SND1: variants seen among roughly 807,000 people sequenced by gnomAD.
SND1 encodes staphylococcal nuclease domain-containing protein 1.
In SND1, 38 loss-of-function variants were observed where a neutral mutation model predicts 121.7. The ratio of observed to expected loss-of-function variants is 0.31; its 90% CI spans 0.24 to 0.41. The LOEUF (loss-of-function observed/expected upper bound fraction) is 0.41. Among genes scored for constraint, SND1 ranks in the 10% least tolerant of loss-of-function variants. SND1 has a pLI of 1.00. For missense variants in SND1, 868 were observed against 1,184.6 expected (o/e 0.73, Z 3.92); for synonymous variants, 401 against 447.4 (o/e 0.90, Z 1.31).
chr7:127,739,377 A>G (rs2089172598), intron 10 of SND1, among the ~76,000 whole-genome samples: 1 of 152,164 alleles, frequency 6.6e-6, no homozygotes, highest in African/African-American at 2.4e-5. Flanking sequence ...GTGAACCCAG[A>G]AGGCTGATTT....
intron 10 of SND1, among the ~76,000 whole-genome samples, chr7:127,774,776 G>A (rs879464541): frequency 4.6e-5 from 7 of 152,042 alleles, no homozygotes; most frequent in Non-Finnish European, 1.0e-4. Context: ...GCAGGGTTTT[G>A]CCATGTTGGC....
intron 10 of SND1, among the ~76,000 whole-genome samples, chr7:127,761,542 G>A (rs573930215): frequency 2.0e-5 from 3 of 152,270 alleles, no homozygotes; most frequent in African/African-American, 7.2e-5. Context: ...ACACATAATC[G>A]TATACACACT....
At chr7:127,858,536 T>G (rs963281454) in intron 12 of SND1, 1 of 445,454 alleles carries the variant, frequency 2.2e-6, no homozygotes, top group Non-Finnish European at 4.1e-6. Context: ...AGTGCAGATC[T>G]AAAGCAGCTG....
chr7:128,067,828 C>A (rs1232355739), intron 16 of SND1, among the ~76,000 whole-genome samples: 1 of 152,130 alleles, frequency 6.6e-6, no homozygotes, highest in East Asian at 1.9e-4. Flanking sequence ...GTCCTCCCCC[C>A]ATTGCTAGTA....
At chr7:127,869,179 A>C (rs1015194893) in intron 12 of SND1, among the ~76,000 whole-genome samples, 1 of 152,146 alleles carries the variant, frequency 6.6e-6, no homozygotes, top group Non-Finnish European at 1.5e-5. Flanking sequence ...CAAGGACCTG[A>C]AGGATGGCAA....
intron 14 of SND1, among the ~76,000 whole-genome samples, chr7:127,926,995 T>C (rs1009176754): frequency 1.3e-5 from 2 of 152,118 alleles, no homozygotes; most frequent in African/African-American, 4.8e-5. Context: ...AGCTGTTGAG[T>C]TGTGCATTGA....
chr7:127,893,903 G>T (rs1351041835), intron 13 of SND1, among the ~76,000 whole-genome samples: 4 of 151,992 alleles, frequency 2.6e-5, no homozygotes, highest in Non-Finnish European at 4.4e-5. Context: ...TAGCACTCCA[G>T]CCTTGCTGTG....
At chr7:127,755,922 A>G in intron 10 of SND1, among the ~76,000 whole-genome samples, 1 of 152,258 alleles carries the variant, frequency 6.6e-6, no homozygotes, top group Non-Finnish European at 1.5e-5. Context: ...CTCTACACAT[A>G]CTTGTAGTCT....
At chr7:127,706,288 T>A (rs1359930835) in intron 8 of SND1, among the ~76,000 whole-genome samples, 1 of 124,440 alleles carries the variant, frequency 8.0e-6, no homozygotes, top group African/African-American at 3.0e-5. Context: ...GACGGAGTCT[T>A]GCTCTGTTGC....
At chr7:127,693,975 T>C (rs1795965704) in intron 2 of SND1, among the ~76,000 whole-genome samples, 1 of 152,192 alleles carries the variant, frequency 6.6e-6, no homozygotes, top group Admixed American at 6.5e-5. Flanking sequence ...TATCTTGAGA[T>C]GACATGGAGA....
intron 16 of SND1, among the ~76,000 whole-genome samples, chr7:128,056,299 G>A (rs1180840507): frequency 6.6e-6 from 1 of 152,198 alleles, no homozygotes; most frequent in African/African-American, 2.4e-5. Flanking sequence ...CAGAACCTGT[G>A]TTCAGGGGCA....
At chr7:128,005,277 A>G (rs555036025) in intron 16 of SND1, among the ~76,000 whole-genome samples, 1 of 152,326 alleles carries the variant, frequency 6.6e-6, no homozygotes, top group Non-Finnish European at 1.5e-5. Context: ...CCAGCCCTTC[A>G]GCCCTTCCAG....
intron 10 of SND1, among the ~76,000 whole-genome samples, chr7:127,775,327 C>T (rs1202248889): frequency 6.7e-6 from 1 of 149,000 alleles, no homozygotes; most frequent in African/African-American, 2.5e-5. Context: ...CATTCCCCCA[C>T]CCCCACCTTT....
chr7:127,841,774 TC>T (rs1798970344), intron 11 of SND1, among the ~76,000 whole-genome samples: 1 of 152,146 alleles, frequency 6.6e-6, no homozygotes, highest in Non-Finnish European at 1.5e-5. Context: ...AGTTGTTCAA[TC>T]CCCCTGTCTG....
intron 11 of SND1, among the ~76,000 whole-genome samples, chr7:127,828,436 G>C (rs1798681895): frequency 6.6e-6 from 1 of 152,002 alleles, no homozygotes; most frequent in Non-Finnish European, 1.5e-5. Flanking sequence ...CCCTCATTTA[G>C]AGTGATTTCT....
intron 10 of SND1, among the ~76,000 whole-genome samples, chr7:127,734,021 G>C (rs543771511): frequency 6.6e-6 from 1 of 152,170 alleles, no homozygotes; most frequent in South Asian, 2.1e-4. Context: ...ACTTCAGCTT[G>C]AGAACCACCG....
intron 12 of SND1, among the ~76,000 whole-genome samples, chr7:127,850,694 A>G (rs1385581760): frequency 3.9e-5 from 6 of 152,152 alleles, no homozygotes; most frequent in Non-Finnish European, 8.8e-5. Context: ...CGCCTTCCCA[A>G]AAAGAGCAGT....
At position 127,852,106 on chromosome 7, in the gene SND1, G is replaced by A. The variant is rs1799174227; in HGVS notation, c.1343+7682G>A. Among the ~76,000 whole-genome samples, 3 of 152,042 alleles carry A rather than the reference G, an allele frequency of 2.0e-5. No homozygotes were observed. The South Asian group carries it at 6.2e-4, about 32-fold the overall frequency. ...ACCCTGGAGATGGAGGTTGCAGTGA[G>A]CTGAGATTGTGCCACTGCACTCCAG... On this transcript the variant is annotated intron_variant, in intron 12 of 23. Coordinates refer to ENST00000354725, the MANE Select transcript of SND1 (RefSeq NM_014390.4).
At chr7:127,942,293 A>C (rs1008835542) in intron 15 of SND1, among the ~76,000 whole-genome samples, 1 of 152,216 alleles carries the variant, frequency 6.6e-6, no homozygotes, top group Non-Finnish European at 1.5e-5. Flanking sequence ...TACAGCATAT[A>C]CTTAAATATT....
Sources: allele counts gnomAD v4.1 joint callset (sites outside exome capture counted in the v4.1 genomes callset), GRCh38; gene constraint gnomAD v4.1.1; transcripts MANE v1.5; gene names NCBI Gene and HGNC (gene_info 2026-07-23, HGNC 2026-07-21).